The following BCKDHB variants were observed in gnomAD, a reference collection of about 807,000 sequenced individuals.
The protein encoded by BCKDHB is 2-oxoisovalerate dehydrogenase subunit beta, mitochondrial.
A neutral mutation model predicts 48.5 loss-of-function variants in BCKDHB; 41 were observed. The observed-to-expected ratio is 0.85, with a 90% CI of 0.66 to 1.10. The LOEUF (loss-of-function observed/expected upper bound fraction) is 1.10, where lower values mean the gene tolerates loss of function less well. Among genes scored for constraint, BCKDHB ranks in the 50% least tolerant of loss-of-function variants. The probability of loss-of-function intolerance (pLI) is 0.00; values close to 1 mark genes in which losing one functional copy is unlikely to be tolerated. For missense variants in BCKDHB, 496 were observed against 494.2 expected, an observed-to-expected ratio of 1.00 and a Z score of -0.03; for synonymous variants, 201 against 174.8, an observed-to-expected ratio of 1.15 and a Z score of -1.18.
intron 8 of BCKDHB, among the ~76,000 whole-genome samples, chr6:80,216,996 T>C (rs55755254): frequency 0.13 from 20,225 of 152,106 alleles, 2,006 homozygotes; most frequent in African/African-American, 0.28. Context: ...CCTGTAATCC[T>C]AGCACTGAGC....
chr6:80,201,009 C>T lies in BCKDHB; in HGVS notation c.818C>T (p.Thr273Ile), dbSNP rs769886312. The T allele has an allele frequency of 1.9e-6, 3 of 1,611,982 alleles. No homozygotes were observed. In the East Asian group the frequency reaches 6.7e-5, roughly 36 times the overall value. The change falls in exon 7 of 10, where the codon ACT becomes ATT. Residue 273 changes from threonine to isoleucine, a missense_variant. Transcript: ENST00000320393. The part of the protein sequence containing the change: ...AEVIQEGSDV[T>I]LVAWGTQVHV... ...GTCATACAGGAAGGGAGTGATGTTA[C>T]TCTAGTTGCCTGGGGCACTCAGGTG...
the BCKDHB span, among the ~76,000 whole-genome samples, chr6:80,381,957 A>T: frequency 6.6e-6 from 1 of 152,078 alleles, no homozygotes; most frequent in Non-Finnish European, 1.5e-5. Flanking sequence ...AGTTTTCTAC[A>T]TGTCATTTGT....
intron 1 of BCKDHB, among the ~76,000 whole-genome samples, chr6:80,120,633 T>A (rs889905132): frequency 6.6e-6 from 1 of 152,244 alleles, no homozygotes; most frequent in African/African-American, 2.4e-5. Context: ...CATTTTCTCA[T>A]GTGTCTGTTG....
intron 6 of BCKDHB, among the ~76,000 whole-genome samples, chr6:80,178,295 T>G (rs1303496024): frequency 6.6e-6 from 1 of 152,242 alleles, no homozygotes; most frequent in Non-Finnish European, 1.5e-5. Context: ...TCTCTCCATT[T>G]AATCTCATTT....
intron 8 of BCKDHB, among the ~76,000 whole-genome samples, chr6:80,271,279 T>G (rs1038029577): frequency 6.6e-6 from 1 of 152,174 alleles, no homozygotes; most frequent in Non-Finnish European, 1.5e-5. Flanking sequence ...TTTTCATGGC[T>G]GCATAATACT....
At chr6:80,395,105 A>C in the BCKDHB span, among the ~76,000 whole-genome samples, 3 of 152,186 alleles carry the variant, frequency 2.0e-5, no homozygotes, top group African/African-American at 4.8e-5. Context: ...ATATTTCTTC[A>C]TAGCAGGGTG....
chr6:80,278,883 A>G (rs556253345), intron 9 of BCKDHB, among the ~76,000 whole-genome samples: 6 of 152,242 alleles, frequency 3.9e-5, no homozygotes, highest in African/African-American at 1.4e-4. Flanking sequence ...TGAAACCTTC[A>G]AATTTGAAAC....
At chr6:80,404,409 G>T in the BCKDHB span, among the ~76,000 whole-genome samples, 16,278 of 151,552 alleles carry the variant, frequency 0.11, 1,123 homozygotes, top group Non-Finnish European at 0.16. Context: ...GGCATTGGTT[G>T]TAATACCTCC....
At chr6:80,447,272 T>G in the BCKDHB span, among the ~76,000 whole-genome samples, 1 of 152,066 alleles carries the variant, frequency 6.6e-6, no homozygotes. Context: ...ATCAGATGCA[T>G]GATGTATGTG....
At chr6:80,429,526 G>T in the BCKDHB span, among the ~76,000 whole-genome samples, 1 of 152,136 alleles carries the variant, frequency 6.6e-6, no homozygotes, top group African/African-American at 2.4e-5. Context: ...TTTTCCATTT[G>T]TTTGTGCCCT....
chr6:80,298,600 G>A (rs2127989730), intron 9 of BCKDHB, among the ~76,000 whole-genome samples: 1 of 152,288 alleles, frequency 6.6e-6, no homozygotes, highest in African/African-American at 2.4e-5. Flanking sequence ...CCTAAGCCAG[G>A]CCACCATTGT....
the BCKDHB span, among the ~76,000 whole-genome samples, chr6:80,412,775 C>G: frequency 1.4e-3 from 210 of 152,244 alleles, no homozygotes; most frequent in Non-Finnish European, 2.3e-3. Flanking sequence ...TTCTGATCAA[C>G]AGTTTTGCTA....
At chr6:80,318,713 A>C (rs892619127) in intron 9 of BCKDHB, among the ~76,000 whole-genome samples, 2 of 150,862 alleles carry the variant, frequency 1.3e-5, no homozygotes, top group African/African-American at 4.9e-5. Flanking sequence ...AAGAAAAGAA[A>C]TTAGAAAAAA....
chr6:80,401,603 TG>T, the BCKDHB span, among the ~76,000 whole-genome samples: 2 of 151,942 alleles, frequency 1.3e-5, no homozygotes, highest in East Asian at 3.9e-4. Context: ...TTTATAGCAA[TG>T]TGAAAATGGA....
intron 1 of BCKDHB, among the ~76,000 whole-genome samples, chr6:80,122,717 A>C (rs1351529454): frequency 4.6e-5 from 7 of 152,218 alleles, no homozygotes; most frequent in African/African-American, 1.7e-4. Context: ...CTAACAGGAC[A>C]AAAGGCAAAA....
chr6:80,414,762 T>G, the BCKDHB span, among the ~76,000 whole-genome samples: 3 of 152,192 alleles, frequency 2.0e-5, no homozygotes, highest in Non-Finnish European at 2.9e-5. Flanking sequence ...CATAGAAATT[T>G]TAAAATAGCT....
chr6:80,410,693 G>T, the BCKDHB span, among the ~76,000 whole-genome samples: 3 of 151,858 alleles, frequency 2.0e-5, no homozygotes, highest in South Asian at 2.1e-4. Flanking sequence ...TCATTAATTT[G>T]ATCTTCAATC....
chr6:80,115,821 A>G (rs1295739210), intron 1 of BCKDHB, among the ~76,000 whole-genome samples: 1 of 152,022 alleles, frequency 6.6e-6, no homozygotes, highest in Non-Finnish European at 1.5e-5. Context: ...TATTTTTAGT[A>G]GAGACGGAGT....
intron 8 of BCKDHB, among the ~76,000 whole-genome samples, chr6:80,266,331 G>A (rs1777512378): frequency 6.6e-6 from 1 of 152,102 alleles, no homozygotes; most frequent in African/African-American, 2.4e-5. Flanking sequence ...TTGAAATATT[G>A]TTTTGGCAGA....
Sources: gnomAD v4.1 joint callset for allele counts (sites outside exome capture counted in the v4.1 genomes callset) on GRCh38, gnomAD v4.1.1 for gene constraint, MANE v1.5 for transcripts, NCBI Gene and HGNC (gene_info 2026-07-23, HGNC 2026-07-21) for gene names.